PPME1: variants seen among roughly 807,000 people sequenced by gnomAD.
PPME1 encodes the protein testicular secretory protein Li 39.
Under a neutral mutation model 56.9 loss-of-function variants are expected in PPME1, and 17 were observed. That is an observed-to-expected ratio of 0.30 (90% CI 0.20 to 0.45). The LOEUF is 0.45. Ranked by LOEUF, PPME1 falls within the 20% of genes least tolerant of loss-of-function variation. PPME1 has a pLI of 1.00. For synonymous variants in PPME1, 122 were observed against 156.2 expected (o/e 0.78, Z 1.63); for missense variants, 357 against 483.2 (o/e 0.74, Z 2.45).
intron 1 of PPME1, among the ~76,000 whole-genome samples, chr11:74,191,479 A>G (rs1857835414): frequency 6.6e-6 from 1 of 152,220 alleles, no homozygotes; most frequent in African/African-American, 2.4e-5. Flanking sequence ...TTGCATGACT[A>G]AAAGGGAACC....
At chr11:74,246,038 TG>T in intron 9 of PPME1, 37 bp from the exon 10 acceptor site, 1 of 1,560,920 alleles carries the variant, frequency 6.4e-7, no homozygotes, top group Non-Finnish European at 8.7e-7. Flanking sequence ...CTCCAGGGGT[TG>T]CCCTCGGAGA....
At position 74,234,096 on chromosome 11, in the gene PPME1, C is replaced by T. The variant is rs116581535; in HGVS notation, c.645-1805C>T. Among the ~76,000 whole-genome samples the T allele has an allele frequency of 3.2e-3, 480 of 152,090 alleles. 1 individual carries two copies. The highest frequency in any genetic ancestry group is 0.011 in the African/African-American group (455 of 41,474). On this transcript the variant is annotated intron_variant, in intron 7 of 13. Transcript: ENST00000328257. The stretch of plus-strand genomic sequence containing the variant: ...TATGGATTGGATGTTGGGAGAGAGA[C>T]GGGGAAGGGCAGGAAGGGACTTAAG...
In PPME1 at chr11:74,217,294, C is replaced by T. The variant is rs560339113; in HGVS notation, c.289-5018C>T. On this transcript the variant is annotated intron_variant, in intron 3 of 13. Coordinates refer to ENST00000328257, the MANE Select transcript of PPME1 (RefSeq NM_016147.3). ...CAGTGGCTCGTGCCTGTAATCCCAGCACTTTGAGAGGCTGAGGCGGGTGGA... is the reference window on the plus strand; with the variant it reads ...CAGTGGCTCGTGCCTGTAATCCCAGTACTTTGAGAGGCTGAGGCGGGTGGA... Among the ~76,000 whole-genome samples, 32 of 152,208 alleles carry T rather than the reference C, an allele frequency of 2.1e-4. No homozygotes were observed. The South Asian group carries it at 6.0e-3, about 29-fold the overall frequency.
intron 1 of PPME1, among the ~76,000 whole-genome samples, chr11:74,200,140 G>A (rs941572137): frequency 1.3e-5 from 2 of 152,116 alleles, no homozygotes; most frequent in Non-Finnish European, 2.9e-5. Context: ...ATTAAAAAAG[G>A]CCTACACAAA....
At chr11:74,200,042 A>G (rs1858110030) in intron 1 of PPME1, among the ~76,000 whole-genome samples, 1 of 152,250 alleles carries the variant, frequency 6.6e-6, no homozygotes, top group Admixed American at 6.5e-5. Flanking sequence ...TAAACTTGTT[A>G]TGCTTTTGAA....
chr11:74,248,618 C>G (rs1859569642), intron 11 of PPME1: 1 of 152,124 alleles, frequency 6.6e-6, no homozygotes, highest in Non-Finnish European at 1.5e-5. Context: ...TTCCATGGCA[C>G]TGATGTTGGT....
intron 5 of PPME1, among the ~76,000 whole-genome samples, chr11:74,225,702 C>T (rs1591052811): frequency 6.6e-6 from 1 of 152,162 alleles, no homozygotes; most frequent in African/African-American, 2.4e-5. Context: ...ATGACAGTTA[C>T]ACCCTGGGCC....
At position 74,226,489 on chromosome 11, in the gene PPME1, T is replaced by C. The variant is rs150580025; in HGVS notation, c.398+1233T>C. 4.6e-5 allele frequency among the ~76,000 whole-genome samples: 7 copies of C among 152,332 alleles called. No individual in the cohort carries two copies. The East Asian group carries it at 1.3e-3, about 29-fold the overall frequency. On this transcript the variant is annotated intron_variant, in intron 5 of 13. Transcript: ENST00000328257. ...AGGTAAGAATCTGTTCCTCCAATTA[T>C]TCCTACTGCCTTCATTAATATGAGA...
intron 1 of PPME1, among the ~76,000 whole-genome samples, chr11:74,194,515 G>A (rs1039079018): frequency 6.6e-6 from 1 of 151,778 alleles, no homozygotes; most frequent in Non-Finnish European, 1.5e-5. Context: ...GCTCATCTAT[G>A]CGTTTAAGAA....
At chr11:74,210,582 T>C (rs1279878424) in intron 3 of PPME1, among the ~76,000 whole-genome samples, 2 of 152,178 alleles carry the variant, frequency 1.3e-5, no homozygotes, top group African/African-American at 4.8e-5. Flanking sequence ...GAGTGAGTTC[T>C]TACTCTCCTA....
chr11:74,183,539 T>C (rs1378156190), intron 1 of PPME1, among the ~76,000 whole-genome samples: 2 of 152,116 alleles, frequency 1.3e-5, no homozygotes, highest in East Asian at 3.8e-4. Flanking sequence ...CCATAAGTAA[T>C]ATATAATGGA....
intron 3 of PPME1, among the ~76,000 whole-genome samples, chr11:74,220,477 T>C (rs1318129918): frequency 6.6e-6 from 1 of 152,244 alleles, no homozygotes; most frequent in Non-Finnish European, 1.5e-5. Context: ...GATTCTGTTA[T>C]GTAGCCAGGG....
At chr11:74,223,357 G>A (rs1267411992) in intron 4 of PPME1, among the ~76,000 whole-genome samples, 1 of 150,402 alleles carries the variant, frequency 6.6e-6, no homozygotes, top group African/African-American at 2.5e-5. Flanking sequence ...GGACATTTGG[G>A]TTGGTTCCAA....
intron 11 of PPME1, chr11:74,248,040 C>T (rs561024113): frequency 3.3e-5 from 5 of 152,388 alleles, no homozygotes; most frequent in African/African-American, 4.8e-5. Flanking sequence ...TCAAACAGAT[C>T]GTGGGGTATA....
At chr11:74,250,878 C>A in intron 11 of PPME1, 76 bp from the exon 12 acceptor site, 2 of 1,320,920 alleles carry the variant, frequency 1.5e-6, no homozygotes, top group Non-Finnish European at 2.1e-6. Flanking sequence ...TCCTGGGCTC[C>A]TGGAATGACC....
At chr11:74,231,042 G>A (rs1859052692) in intron 7 of PPME1, 40 bp downstream of exon 7, 3 of 1,456,334 alleles carry the variant, frequency 2.1e-6, no homozygotes, top group Non-Finnish European at 2.8e-6. Flanking sequence ...TAATTAATTT[G>A]TTTGTTTGTT....
intron 1 of PPME1, among the ~76,000 whole-genome samples, chr11:74,194,670 C>T (rs1365339062): frequency 6.6e-6 from 1 of 151,940 alleles, no homozygotes; most frequent in Non-Finnish European, 1.5e-5. Flanking sequence ...CAATATTTCT[C>T]AAGTTGGATC....
chr11:74,199,153 G>A (rs933917770), intron 1 of PPME1, among the ~76,000 whole-genome samples: 18 of 152,004 alleles, frequency 1.2e-4, no homozygotes, highest in Non-Finnish European at 2.5e-4. Flanking sequence ...TTCTATCAGC[G>A]CAAATTCTTT....
At chr11:74,225,311 A>G (rs557782962) in intron 5 of PPME1, 55 bp downstream of exon 5, 22 of 1,261,490 alleles carry the variant, frequency 1.7e-5, no homozygotes, top group Non-Finnish European at 2.3e-5. Context: ...TATTATAAAT[A>G]GTACTATAAC....
Sources: allele counts gnomAD v4.1 joint callset (sites outside exome capture counted in the v4.1 genomes callset), GRCh38; gene constraint gnomAD v4.1.1; transcripts MANE v1.5; gene names NCBI Gene and HGNC (gene_info 2026-07-23, HGNC 2026-07-21).